Variants in FDFT1 observed in about 807,000 individuals in gnomAD.
The protein encoded by FDFT1 is squalene synthase.
Under a neutral mutation model 46.8 loss-of-function variants are expected in FDFT1, and 68 were observed. The ratio of observed to expected loss-of-function variants is 1.45; its 90% CI spans 1.19 to 1.78. The LOEUF is 1.78. FDFT1 is among the 40% of genes most tolerant of loss of function. FDFT1 has a pLI of 0.00. For synonymous variants in FDFT1, 351 were observed against 185.1 expected (o/e 1.90, Z -7.28); for missense variants, 928 against 524.4 (o/e 1.77, Z -7.52).
chr8:11,804,228 A>G (rs1366468954), intron 1 of FDFT1, among the ~76,000 whole-genome samples: 2 of 152,238 alleles, frequency 1.3e-5, no homozygotes, highest in African/African-American at 2.4e-5. Context: ...TAGCAGGGCA[A>G]GGGATCTGAG....
At position 11,839,240 on chromosome 8, in the gene FDFT1, T is replaced by C. The variant is rs1178348745; in HGVS notation, c.*631T>C. On this transcript the variant is annotated 3_prime_UTR_variant, in exon 8 of 8. Coordinates refer to ENST00000220584, the MANE Select transcript of FDFT1 (RefSeq NM_004462.5). ...TGCTTTTGACCTTTTAGAAGATTGG[T>C]CTCCAGTAAAGGTGGACATTTTTGA... 6 of 152,654 alleles carry C rather than the reference T, an allele frequency of 3.9e-5. No individual in the cohort carries two copies. Among genetic ancestry groups the C allele is most frequent in the African/African-American group, 1.2e-4 (5 of 41,412 alleles). The allele number at this position is 152,654 out of a possible 1,614,324, so 9.5% of individuals were successfully genotyped here.
intron 4 of FDFT1, among the ~76,000 whole-genome samples, chr8:11,822,103 G>C (rs1464088816): frequency 1.3e-5 from 2 of 152,230 alleles, no homozygotes; most frequent in East Asian, 3.8e-4. Flanking sequence ...GTACTGGAGA[G>C]AAGTGCTTAT....
At chr8:11,806,403 G>A (rs757485084) in intron 1 of FDFT1, among the ~76,000 whole-genome samples, 4 of 152,184 alleles carry the variant, frequency 2.6e-5, no homozygotes, top group Admixed American at 6.5e-5. Flanking sequence ...TGTTCTTGGT[G>A]ATTTGAAGAA....
Position 11,802,760 on chromosome 8 carries a change from T to C in FDFT1, c.-73T>C, listed in dbSNP as rs117617276. On this transcript the variant is annotated 5_prime_UTR_variant, in exon 1 of 8. Coordinates refer to ENST00000220584, the MANE Select transcript of FDFT1 (RefSeq NM_004462.5). ...CCCCTCGAAGCACCTACTCCACAGGTCCAGCCGGCCGGTGAGCGCCTGGGG... is the reference window on the plus strand; with the variant it reads ...CCCCTCGAAGCACCTACTCCACAGGCCCAGCCGGCCGGTGAGCGCCTGGGG... 0.017 allele frequency: 20,746 copies of C among 1,217,800 alleles called. 219 individuals carry two copies. The highest frequency in any genetic ancestry group is 0.022 in the Non-Finnish European group (18,274 of 842,024). The allele number at this position is 1,217,800 out of a possible 1,614,324, so 75.4% of individuals were successfully genotyped here.
chr8:11,838,465 T>A lies in FDFT1; in HGVS notation c.1110T>A (p.Asn370Lys), dbSNP rs1811851802. The change falls in exon 8 of 8, where the codon AAT becomes AAA. Residue 370 changes from asparagine to lysine, a missense_variant. Transcript: ENST00000220584. ...TCATCTCCACCATCCGGACGCAGAA[T>A]CTTCCCAACTGTCAGCTGATTTCCC... is the stretch of plus-strand genomic sequence containing the variant. Reference protein sequence around the residue: ...RQIISTIRTQNLPNCQLISRS... With the variant: ...RQIISTIRTQKLPNCQLISRS... 6.2e-7 allele frequency: 1 copy of A among 1,607,366 alleles called. No individual in the cohort carries two copies. Among genetic ancestry groups the A allele is most frequent in the Non-Finnish European group, 8.5e-7 (1 of 1,176,156 alleles).
chr8:11,827,009 G>C (rs1207489426), intron 5 of FDFT1, among the ~76,000 whole-genome samples: 2 of 152,224 alleles, frequency 1.3e-5, no homozygotes, highest in African/African-American at 2.4e-5. Flanking sequence ...TCTGTAATAA[G>C]GGACAGGGTC....
intron 1 of FDFT1, among the ~76,000 whole-genome samples, chr8:11,807,211 C>T (rs1165779072): frequency 6.6e-6 from 1 of 152,102 alleles, no homozygotes; most frequent in Non-Finnish European, 1.5e-5. Context: ...TATCATAGTT[C>T]ACTGTAACGT....
chr8:11,813,945 T>C (rs891030593), intron 3 of FDFT1, among the ~76,000 whole-genome samples: 6 of 152,234 alleles, frequency 3.9e-5, no homozygotes, highest in Admixed American at 2.6e-4. Flanking sequence ...ACCCCTTCAT[T>C]GTCACTTTCT....
Position 11,809,692 on chromosome 8 carries a change from G to T in FDFT1, c.223G>T (p.Val75Phe), listed in dbSNP as rs758661215. ...MRNAVCIFYL[V>F]LRALDTLEDD... Reference sequence around the variant, plus strand: ...CAACGCAGTGTGCATATTTTATCTGGTTCTCCGAGCTCTGGACACACTGGA... The same window carrying T: ...CAACGCAGTGTGCATATTTTATCTGTTTCTCCGAGCTCTGGACACACTGGA... Residue 75 changes from valine (V) to phenylalanine (F), a missense_variant, in exon 3 of 8, where the codon GTT (valine) becomes TTT (phenylalanine). Coordinates refer to ENST00000220584, the MANE Select transcript of FDFT1 (RefSeq NM_004462.5). 1 of 1,612,934 alleles carries T rather than the reference G, an allele frequency of 6.2e-7. No homozygotes were observed. Among genetic ancestry groups the T allele is most frequent in the Non-Finnish European group, 8.5e-7 (1 of 1,179,494 alleles).
rs373392280 is a variant in FDFT1 at position 11,838,374 on chromosome 8, T to C, written c.1033-14T>C. On this transcript the variant is annotated splice_polypyrimidine_tract_variant and intron_variant, in intron 7 of 7. Transcript: ENST00000220584. Reference sequence around the variant, plus strand: ...GCACATAGCACTTATCATTTTTTCCTGTGTCTTTAACAGATTTATCATAGA... The same window carrying C: ...GCACATAGCACTTATCATTTTTTCCCGTGTCTTTAACAGATTTATCATAGA... 793 of 1,603,374 alleles carry C rather than the reference T, an allele frequency of 4.9e-4. No homozygotes were observed. The highest frequency in any genetic ancestry group is 6.5e-4 in the Non-Finnish European group (761 of 1,170,284).
chr8:11,837,227 C>G (rs1028975885), intron 7 of FDFT1, among the ~76,000 whole-genome samples: 1 of 151,510 alleles, frequency 6.6e-6, no homozygotes, highest in Non-Finnish European at 1.5e-5. Context: ...GACAGTTGTT[C>G]TTTTGTTTTT....
intron 3 of FDFT1, 107 bp from the exon 4 acceptor site, chr8:11,821,643 T>C: frequency 7.6e-7 from 1 of 1,310,836 alleles, no homozygotes; most frequent in Non-Finnish European, 1.1e-6. Context: ...GGCTTATAGA[T>C]GAACCATTGC....
chr8:11,834,351 G>T (rs1267962496), intron 7 of FDFT1, among the ~76,000 whole-genome samples: 2 of 152,176 alleles, frequency 1.3e-5, no homozygotes, highest in Non-Finnish European at 2.9e-5. Flanking sequence ...GCTATTTTGG[G>T]ATAGAAATAA....
At position 11,839,284 on chromosome 8, in the gene FDFT1, T is replaced by C. The variant is rs1811996911; in HGVS notation, c.*675T>C. On this transcript the variant is annotated 3_prime_UTR_variant, in exon 8 of 8. Transcript: ENST00000220584. ...TTTTTGAGATTTTTATAATAAAGAA[T>C]TTAATTGCTCTGCATTTGTCAAGTA... 6.6e-6 allele frequency: 1 copy of C among 152,548 alleles called. No homozygotes were observed. Among genetic ancestry groups the C allele is most frequent in the South Asian group, 2.1e-4 (1 of 4,850 alleles). The allele number at this position is 152,548 out of a possible 1,614,324, so 9.4% of individuals were successfully genotyped here.
intron 5 of FDFT1, among the ~76,000 whole-genome samples, chr8:11,828,317 A>G (rs1810295184): frequency 6.6e-6 from 1 of 152,180 alleles, no homozygotes. Context: ...CAACAAAAAA[A>G]CAAAAAACAC....
intron 5 of FDFT1, among the ~76,000 whole-genome samples, chr8:11,828,381 C>T (rs1397556098): frequency 6.6e-6 from 1 of 152,202 alleles, no homozygotes; most frequent in Non-Finnish European, 1.5e-5. Context: ...CGTGTGCAGC[C>T]AGGGTTGAGA....
intron 3 of FDFT1, among the ~76,000 whole-genome samples, chr8:11,813,285 C>T (rs765236231): frequency 6.6e-6 from 1 of 152,170 alleles, no homozygotes; most frequent in African/African-American, 2.4e-5. Flanking sequence ...TACCTGTAAA[C>T]ATAGCTTAAG....
intron 3 of FDFT1, among the ~76,000 whole-genome samples, chr8:11,814,300 GTT>G (rs368859890): frequency 1.2e-4 from 17 of 137,960 alleles, no homozygotes; most frequent in Non-Finnish European, 1.6e-4. Flanking sequence ...GATTTTATAG[GTT>G]TTTTTTTTTT....
chr8:11,838,807 A>C lies in FDFT1; in HGVS notation c.*198A>C, dbSNP rs1811934967. 1 of 585,942 alleles carries C rather than the reference A, an allele frequency of 1.7e-6. No individual in the cohort carries two copies. The highest frequency in any genetic ancestry group is 3.0e-5 in the East Asian group (1 of 33,660). 36.3% of individuals were successfully genotyped at this position (585,942 alleles called of 1,614,324 possible). ...AAGGAAAGGGTGCCTCATCCCAGCA[A>C]CCTGTCCTTGTGGGTGATGATCACT... is the stretch of plus-strand genomic sequence containing the variant. On this transcript the variant is annotated 3_prime_UTR_variant, in exon 8 of 8. Coordinates refer to ENST00000220584, the MANE Select transcript of FDFT1 (RefSeq NM_004462.5).
Sources: allele counts gnomAD v4.1 joint callset (sites outside exome capture counted in the v4.1 genomes callset), GRCh38; gene constraint gnomAD v4.1.1; transcripts MANE v1.5; gene names NCBI Gene and HGNC (gene_info 2026-07-23, HGNC 2026-07-21).